ZBTB7C: variants seen among roughly 807,000 people sequenced by gnomAD.
ZBTB7C encodes zinc finger and BTB domain containing 7C, also known as zinc finger and BTB domain-containing protein 7C.
ZBTB7C carries 8 observed loss-of-function variants against 25.7 expected under a neutral mutation model. That is an observed-to-expected ratio of 0.31 (90% CI 0.18 to 0.56). The LOEUF is 0.56. Ranked by LOEUF, ZBTB7C falls within the 20% of genes least tolerant of loss-of-function variation. The pLI is 0.91. For missense variants in ZBTB7C, 824 were observed against 855.2 expected, an observed-to-expected ratio of 0.96 and a Z score of 0.46; for synonymous variants, 394 against 369.0, an observed-to-expected ratio of 1.07 and a Z score of -0.78.
intron 2 of ZBTB7C, among the ~76,000 whole-genome samples, chr18:48,329,793 C>T (rs1166639311): frequency 6.6e-6 from 1 of 152,180 alleles, no homozygotes; most frequent in Non-Finnish European, 1.5e-5. Flanking sequence ...CAGTGCATCT[C>T]GCCCCATGTC....
intron 1 of ZBTB7C, among the ~76,000 whole-genome samples, chr18:48,365,137 T>C (rs2047193513): frequency 6.6e-6 from 1 of 152,258 alleles, no homozygotes; most frequent in Admixed American, 6.5e-5. Flanking sequence ...CATTTGCATA[T>C]ACAGTGATGT....
chr18:48,033,436 C>A (rs1168674351), intron 4 of ZBTB7C, among the ~76,000 whole-genome samples: 1 of 152,190 alleles, frequency 6.6e-6, no homozygotes. Flanking sequence ...CAAGAGAGGG[C>A]ACCGGTAGCC....
At chr18:48,257,094 C>T (rs1037594147) in intron 2 of ZBTB7C, among the ~76,000 whole-genome samples, 1 of 151,802 alleles carries the variant, frequency 6.6e-6, no homozygotes, top group African/African-American at 2.4e-5. Context: ...GAAGACCCAA[C>T]TATAAACTGA....
chr18:48,204,103 C>T (rs2042521746), intron 2 of ZBTB7C, among the ~76,000 whole-genome samples: 1 of 152,228 alleles, frequency 6.6e-6, no homozygotes, highest in Non-Finnish European at 1.5e-5. Context: ...CAGTGCCTCC[C>T]TCCTTTTTGC....
intron 1 of ZBTB7C, among the ~76,000 whole-genome samples, chr18:48,382,172 T>C (rs180977614): frequency 2.8e-3 from 429 of 152,304 alleles, no homozygotes; most frequent in Middle Eastern, 0.014. Flanking sequence ...AGCCAATGCC[T>C]AAAACTGAAA....
chr18:48,157,309 G>A (rs1302464354), intron 3 of ZBTB7C, among the ~76,000 whole-genome samples: 2 of 152,124 alleles, frequency 1.3e-5, no homozygotes, highest in African/African-American at 4.8e-5. Flanking sequence ...ACATGAGAAG[G>A]TTGCCATGGG....
At chr18:48,237,493 G>A (rs2043411763) in intron 2 of ZBTB7C, among the ~76,000 whole-genome samples, 1 of 152,102 alleles carries the variant, frequency 6.6e-6, no homozygotes, top group South Asian at 2.1e-4. Flanking sequence ...GCTCAACCTT[G>A]GCTATCAGGG....
intron 2 of ZBTB7C, among the ~76,000 whole-genome samples, chr18:48,300,558 T>C (rs1211746624): frequency 6.6e-6 from 1 of 151,820 alleles, no homozygotes; most frequent in Non-Finnish European, 1.5e-5. Flanking sequence ...TTGCTACAGA[T>C]ACCAAGCAGG....
intron 2 of ZBTB7C, among the ~76,000 whole-genome samples, chr18:48,216,529 G>C (rs1241602933): frequency 6.6e-6 from 1 of 152,134 alleles, no homozygotes; most frequent in Admixed American, 6.5e-5. Flanking sequence ...CTCCCTGGGG[G>C]GCGAAGGTGG....
At chr18:48,218,003 C>T (rs1274269751) in intron 2 of ZBTB7C, among the ~76,000 whole-genome samples, 2 of 152,272 alleles carry the variant, frequency 1.3e-5, no homozygotes, top group African/African-American at 2.4e-5. Context: ...GACACTGGGT[C>T]TCCTGCTGCC....
At chr18:48,291,087 G>A (rs2045216594) in intron 2 of ZBTB7C, among the ~76,000 whole-genome samples, 1 of 152,180 alleles carries the variant, frequency 6.6e-6, no homozygotes, top group African/African-American at 2.4e-5. Flanking sequence ...TCTGCTTTGG[G>A]GACATCATCC....
chr18:48,082,495 T>C (rs948937087), intron 3 of ZBTB7C, among the ~76,000 whole-genome samples: 3 of 152,144 alleles, frequency 2.0e-5, no homozygotes, highest in African/African-American at 7.2e-5. Context: ...TGGAACTGCC[T>C]GACAAGGTAG....
At position 48,340,582 on chromosome 18, in the gene ZBTB7C, G is replaced by A. The variant is rs139140733; in HGVS notation, c.-303-2184C>T. 1.1e-3 allele frequency among the ~76,000 whole-genome samples: 161 copies of A among 152,268 alleles called. 1 individual carries two copies. The highest frequency in any genetic ancestry group is 3.2e-3 in the African/African-American group (134 of 41,558). ...AAGAAGCCGGTCACCATCCCACCCC[G>A]ACTGGCTGCAGGTCACCTGGCAGCT... On this transcript the variant is annotated intron_variant, in intron 1 of 4. Coordinates refer to ENST00000590800, the MANE Select transcript of ZBTB7C (RefSeq NM_001318841.2).
intron 1 of ZBTB7C, among the ~76,000 whole-genome samples, chr18:48,380,073 T>C (rs2047601654): frequency 6.6e-6 from 1 of 152,212 alleles, no homozygotes; most frequent in African/African-American, 2.4e-5. Context: ...AAAATTGTTT[T>C]TAAATCATTT....
At chr18:48,367,348 A>ACATATATG (rs1491112239) in intron 1 of ZBTB7C, among the ~76,000 whole-genome samples, 7 of 4,432 alleles carry the variant, frequency 1.6e-3, no homozygotes, top group African/African-American at 3.0e-3. Flanking sequence ...ATATGTGTGC[A>ACATATATG]TATATATATA....
chr18:48,184,549 G>C (rs2042007621), intron 3 of ZBTB7C, among the ~76,000 whole-genome samples: 1 of 152,086 alleles, frequency 6.6e-6, no homozygotes, highest in Non-Finnish European at 1.5e-5. Flanking sequence ...GTGAATACTG[G>C]CTGTTGTTAT....
At chr18:48,393,155 C>T (rs545952647) in intron 1 of ZBTB7C, among the ~76,000 whole-genome samples, 214 of 152,272 alleles carry the variant, frequency 1.4e-3, no homozygotes, top group Non-Finnish European at 2.8e-3. Context: ...TATCCAAGCC[C>T]TGAAGAGCCC....
intron 3 of ZBTB7C, among the ~76,000 whole-genome samples, chr18:48,123,801 AGCTCT>A (rs1354341016): frequency 6.6e-6 from 1 of 152,218 alleles, no homozygotes; most frequent in African/African-American, 2.4e-5. Flanking sequence ...CTTATAAAAG[AGCTCT>A]CCTTAGAAAT....
chr18:48,217,294 A>G (rs1039816204), intron 2 of ZBTB7C, among the ~76,000 whole-genome samples: 7 of 152,174 alleles, frequency 4.6e-5, no homozygotes, highest in African/African-American at 1.7e-4. Context: ...CTCTGCCTTC[A>G]AGCCCTCCTG....
Sources: gnomAD v4.1 joint callset for allele counts (sites outside exome capture counted in the v4.1 genomes callset) on GRCh38, gnomAD v4.1.1 for gene constraint, MANE v1.5 for transcripts, NCBI Gene and HGNC (gene_info 2026-07-23, HGNC 2026-07-21) for gene names.